The following SPMIP7 variants were observed in gnomAD, a reference collection of about 807,000 sequenced individuals.
SPMIP7 encodes the protein protein SPMIP7.
the SPMIP7 span, among the ~76,000 whole-genome samples, chr7:50,126,379 G>T: frequency 1.3e-5 from 2 of 149,068 alleles, no homozygotes; most frequent in Non-Finnish European, 3.0e-5. Context: ...ATATATATCT[G>T]TTTTTTTTTT....
the SPMIP7 span, among the ~76,000 whole-genome samples, chr7:50,099,589 G>A: frequency 6.6e-6 from 1 of 152,120 alleles, no homozygotes; most frequent in East Asian, 1.9e-4. Context: ...GGGAACCTCT[G>A]CCAACTGTTT....
the SPMIP7 span, among the ~76,000 whole-genome samples, chr7:50,107,973 A>T: frequency 6.6e-6 from 1 of 152,198 alleles, no homozygotes; most frequent in Non-Finnish European, 1.5e-5. Flanking sequence ...CATTATTTGG[A>T]ATCTGGACGT....
At chr7:50,138,908 A>G in the SPMIP7 span, among the ~76,000 whole-genome samples, 14 of 152,326 alleles carry the variant, frequency 9.2e-5, no homozygotes, top group Non-Finnish European at 1.9e-4. Context: ...CTACCATTTT[A>G]TTGAACCATA....
chr7:50,103,285 G>A, the SPMIP7 span, among the ~76,000 whole-genome samples: 4 of 151,944 alleles, frequency 2.6e-5, no homozygotes, highest in Non-Finnish European at 5.9e-5. Flanking sequence ...TATGAAGTAG[G>A]GGACCAAATC....
chr7:50,129,700 T>G, the SPMIP7 span: 1 of 1,514,670 alleles, frequency 6.6e-7, no homozygotes, highest in Non-Finnish European at 8.9e-7. Context: ...TTTTAACTTA[T>G]TTTTCATGCC....
At chr7:50,137,023 C>A in the SPMIP7 span, among the ~76,000 whole-genome samples, 5 of 151,768 alleles carry the variant, frequency 3.3e-5, no homozygotes, top group African/African-American at 1.2e-4. Flanking sequence ...GACTAGTATT[C>A]CGGATTTGAC....
At chr7:50,109,154 C>T in the SPMIP7 span, among the ~76,000 whole-genome samples, 28 of 152,156 alleles carry the variant, frequency 1.8e-4, no homozygotes, top group Middle Eastern at 3.2e-3. Context: ...AAAATGTTCT[C>T]ATGGCCTACT....
chr7:50,108,739 C>T, the SPMIP7 span, among the ~76,000 whole-genome samples: 4 of 152,090 alleles, frequency 2.6e-5, no homozygotes, highest in African/African-American at 9.7e-5. Context: ...TTCAAACATA[C>T]TACTTAAGAA....
chr7:50,115,976 G>A, the SPMIP7 span, among the ~76,000 whole-genome samples: 1 of 152,050 alleles, frequency 6.6e-6, no homozygotes, highest in Non-Finnish European at 1.5e-5. Context: ...AAGCACTGAA[G>A]TTCTTAGCCA....
chr7:50,110,828 T>C, the SPMIP7 span, among the ~76,000 whole-genome samples: 1 of 131,344 alleles, frequency 7.6e-6, no homozygotes, highest in Non-Finnish European at 1.5e-5. Flanking sequence ...TATATAATCA[T>C]ATTATATATT....
chr7:50,134,522 A>G, the SPMIP7 span, among the ~76,000 whole-genome samples: 4 of 152,194 alleles, frequency 2.6e-5, no homozygotes, highest in Non-Finnish European at 5.9e-5. Flanking sequence ...CTCAAAAGTT[A>G]TTTGCAATGA....
the SPMIP7 span, chr7:50,151,621 T>G: frequency 2.7e-6 from 3 of 1,100,350 alleles, no homozygotes; most frequent in South Asian, 4.9e-5. Flanking sequence ...CTAATTGTGG[T>G]TATTCCATTA....
At chr7:50,134,603 A>T in the SPMIP7 span, among the ~76,000 whole-genome samples, 2 of 152,190 alleles carry the variant, frequency 1.3e-5, no homozygotes, top group African/African-American at 4.8e-5. Context: ...TTACCAGATA[A>T]CCTATGCTGA....
At chr7:50,129,695 A>G in the SPMIP7 span, 2 of 1,488,436 alleles carry the variant, frequency 1.3e-6, no homozygotes, top group Middle Eastern at 2.1e-4. Context: ...GTCTCTTTTA[A>G]CTTATTTTTC....
At chr7:50,139,281 G>A in the SPMIP7 span, among the ~76,000 whole-genome samples, 203 of 151,004 alleles carry the variant, frequency 1.3e-3, no homozygotes, top group African/African-American at 4.7e-3. Context: ...CCCGGGAGAC[G>A]GAGGTTACAG....
At chr7:50,158,185 C>A in the SPMIP7 span, among the ~76,000 whole-genome samples, 1 of 151,560 alleles carries the variant, frequency 6.6e-6, no homozygotes, top group African/African-American at 2.4e-5. Flanking sequence ...CTCCCAGCCC[C>A]TAGGTGAGGC....
At chr7:50,148,978 CT>C in the SPMIP7 span, among the ~76,000 whole-genome samples, 3 of 152,148 alleles carry the variant, frequency 2.0e-5, no homozygotes, top group Non-Finnish European at 2.9e-5. Context: ...AACCCCGACT[CT>C]ACTAAAAATA....
At chr7:50,102,780 T>C in the SPMIP7 span, among the ~76,000 whole-genome samples, 1 of 152,178 alleles carries the variant, frequency 6.6e-6, no homozygotes, top group Admixed American at 6.5e-5. Context: ...CCACTAATTG[T>C]TAACTAATAA....
At chr7:50,126,723 T>C in the SPMIP7 span, among the ~76,000 whole-genome samples, 1 of 152,176 alleles carries the variant, frequency 6.6e-6, no homozygotes, top group Non-Finnish European at 1.5e-5. Flanking sequence ...TCACTTACCA[T>C]TAAAATTAAT....
Sources: allele counts gnomAD v4.1 joint callset (sites outside exome capture counted in the v4.1 genomes callset), GRCh38; gene constraint gnomAD v4.1.1; transcripts MANE v1.5; gene names NCBI Gene and HGNC (gene_info 2026-07-23, HGNC 2026-07-21).